The following SPIDR variants were observed in gnomAD, a reference collection of about 807,000 sequenced individuals.
SPIDR encodes scaffold protein involved in DNA repair.
Under a neutral mutation model 104.6 loss-of-function variants are expected in SPIDR, and 93 were observed. That is an observed-to-expected ratio of 0.89 (90% CI 0.75 to 1.06). The LOEUF (loss-of-function observed/expected upper bound fraction) is 1.06, where lower values mean the gene tolerates loss of function less well. Ranked by LOEUF, SPIDR falls within the 50% of genes least tolerant of loss-of-function variation. The probability of loss-of-function intolerance (pLI) is 0.00; values close to 1 mark genes in which losing one functional copy is unlikely to be tolerated. For synonymous variants in SPIDR, 431 were observed against 416.9 expected (o/e 1.03, Z -0.41); for missense variants, 1,154 against 1,111.2 (o/e 1.04, Z -0.55).
At chr8:47,316,131 T>C (rs2045293549) in intron 5 of SPIDR, among the ~76,000 whole-genome samples, 1 of 152,184 alleles carries the variant, frequency 6.6e-6, no homozygotes, top group Admixed American at 6.5e-5. Context: ...ACTTGATTAA[T>C]TGGAGAAGGA....
intron 16 of SPIDR, among the ~76,000 whole-genome samples, chr8:47,726,766 C>G (rs534532969): frequency 6.6e-6 from 1 of 152,070 alleles, no homozygotes; most frequent in African/African-American, 2.4e-5. Flanking sequence ...CAGGGTCTTG[C>G]CCTGTCACCC....
chr8:47,371,537 A>G (rs537302180), intron 5 of SPIDR, among the ~76,000 whole-genome samples: 3 of 152,292 alleles, frequency 2.0e-5, no homozygotes, highest in Non-Finnish European at 4.4e-5. Context: ...CTCACATGGC[A>G]GAAAGAACAA....
chr8:47,679,667 G>C (rs750508641), intron 11 of SPIDR, among the ~76,000 whole-genome samples: 2 of 152,144 alleles, frequency 1.3e-5, no homozygotes, highest in South Asian at 4.1e-4. Context: ...CATGTGCTGC[G>C]CCACTGGGCT....
At chr8:47,382,737 A>C (rs563908905) in intron 5 of SPIDR, among the ~76,000 whole-genome samples, 8 of 152,208 alleles carry the variant, frequency 5.3e-5, no homozygotes, top group African/African-American at 1.9e-4. Flanking sequence ...TTTTTAAAGA[A>C]AAAGTGATAC....
chr8:47,528,001 C>T (rs893950540), intron 8 of SPIDR: 5 of 152,158 alleles, frequency 3.3e-5, no homozygotes, highest in South Asian at 2.1e-4. Flanking sequence ...AGACTCTCTC[C>T]GTTAGTGGCT....
chr8:47,655,333 A>G (rs2072543875), intron 10 of SPIDR, among the ~76,000 whole-genome samples: 1 of 152,236 alleles, frequency 6.6e-6, no homozygotes, highest in African/African-American at 2.4e-5. Context: ...ACTAGTCCAC[A>G]GTCCCACCAA....
In SPIDR at chr8:47,667,443, A is replaced by G. The variant is rs1196182281; in HGVS notation, c.1545-6358A>G. On this transcript the variant is annotated intron_variant, in intron 10 of 19. Transcript: ENST00000297423. ...AAGACCTCGTCTCTTCAAAAGGGAA[A>G]AAAAAAAAAAAAAAAAAAAAAAGCC... is the stretch of plus-strand genomic sequence containing the variant. 6.2e-5 allele frequency among the ~76,000 whole-genome samples: 9 copies of G among 145,734 alleles called. No individual in the cohort carries two copies. The East Asian group carries it at 1.8e-3, about 29-fold the overall frequency.
At chr8:47,303,499 A>G (rs1024632107) in intron 5 of SPIDR, among the ~76,000 whole-genome samples, 1 of 152,096 alleles carries the variant, frequency 6.6e-6, no homozygotes, top group Non-Finnish European at 1.5e-5. Context: ...CCAATACCTC[A>G]GTTGGAAATG....
intron 16 of SPIDR, among the ~76,000 whole-genome samples, chr8:47,722,148 A>G (rs1189246984): frequency 1.3e-5 from 2 of 152,064 alleles, no homozygotes. Flanking sequence ...TGCTATTGTA[A>G]ATAGTATTAT....
chr8:47,386,814 A>G (rs890232195), intron 5 of SPIDR, among the ~76,000 whole-genome samples: 5 of 151,898 alleles, frequency 3.3e-5, no homozygotes, highest in African/African-American at 1.2e-4. Flanking sequence ...CTGTTTTACT[A>G]TAGTTGAAGG....
intron 17 of SPIDR, among the ~76,000 whole-genome samples, chr8:47,728,339 G>A (rs1395535311): frequency 6.6e-6 from 1 of 151,362 alleles, no homozygotes; most frequent in Non-Finnish European, 1.5e-5. Context: ...AGAGGCTGAA[G>A]TGGGAGAATC....
intron 8 of SPIDR, among the ~76,000 whole-genome samples, chr8:47,478,510 T>G (rs77537103): frequency 9.3e-4 from 141 of 152,232 alleles, no homozygotes; most frequent in African/African-American, 3.3e-3. Context: ...AAAAGTCAGC[T>G]GAGGTTGCAG....
intron 8 of SPIDR, among the ~76,000 whole-genome samples, chr8:47,520,201 A>G (rs542933952): frequency 2.0e-5 from 3 of 152,340 alleles, no homozygotes; most frequent in African/African-American, 7.2e-5. Context: ...TGTAACACAG[A>G]GAGGCAAATA....
chr8:47,554,021 G>T (rs905153097), intron 8 of SPIDR, among the ~76,000 whole-genome samples: 9 of 152,188 alleles, frequency 5.9e-5, no homozygotes, highest in Non-Finnish European at 1.5e-5. Context: ...GTCCACTCCA[G>T]ACCCTATTTG....
chr8:47,707,069 G>A (rs970307249), intron 14 of SPIDR, among the ~76,000 whole-genome samples: 6 of 151,850 alleles, frequency 4.0e-5, no homozygotes, highest in African/African-American at 7.3e-5. Flanking sequence ...CCTGTCAAAC[G>A]TGGTAAAACC....
chr8:47,685,706 C>T (rs1482683155), intron 11 of SPIDR, among the ~76,000 whole-genome samples: 1 of 151,770 alleles, frequency 6.6e-6, no homozygotes, highest in African/African-American at 2.4e-5. Flanking sequence ...AGGTGCACAC[C>T]ACCATGCCCA....
intron 10 of SPIDR, among the ~76,000 whole-genome samples, chr8:47,616,886 C>T (rs1264325044): frequency 2.0e-5 from 3 of 152,186 alleles, no homozygotes; most frequent in Non-Finnish European, 4.4e-5. Flanking sequence ...TTTTCTGTTG[C>T]AGCACCCCAT....
rs768398037 is a variant in SPIDR at position 47,493,861 on chromosome 8, G to A, written c.1097+53319G>A. On this transcript the variant is annotated intron_variant, in intron 8 of 19. Transcript: ENST00000297423. ...TATTTACTATCTAGAATGAATAAAC[G>A]CTTCCCCCATCCCAAGTTAACACAA... is the stretch of plus-strand genomic sequence containing the variant. 1.4e-3 allele frequency among the ~76,000 whole-genome samples: 213 copies of A among 152,144 alleles called. 3 individuals are homozygous for A. The highest frequency in any genetic ancestry group is 2.1e-3 in the Non-Finnish European group (140 of 67,996).
intron 9 of SPIDR, 92 bp downstream of exon 9, chr8:47,596,098 T>G: frequency 8.4e-7 from 1 of 1,185,390 alleles, no homozygotes. Flanking sequence ...ATGTTAGCCT[T>G]TTGTCTCCCT....
Sources: allele counts gnomAD v4.1 joint callset (sites outside exome capture counted in the v4.1 genomes callset), GRCh38; gene constraint gnomAD v4.1.1; transcripts MANE v1.5; gene names NCBI Gene and HGNC (gene_info 2026-07-23, HGNC 2026-07-21).